G6PC1: variants seen among roughly 807,000 people sequenced by gnomAD.
G6PC1 encodes G-6-Pase.
In G6PC1, 23 loss-of-function variants were observed where a neutral mutation model predicts 30.4. The ratio of observed to expected loss-of-function variants is 0.76; its 90% CI spans 0.55 to 1.07. The LOEUF (loss-of-function observed/expected upper bound fraction) is 1.07. G6PC1 is among the 50% of genes least tolerant of loss of function. The probability of loss-of-function intolerance (pLI) is 0.00; values close to 1 mark genes in which losing one functional copy is unlikely to be tolerated. For missense variants in G6PC1, 391 were observed against 433.9 expected, an observed-to-expected ratio of 0.90 and a Z score of 0.88; for synonymous variants, 163 against 175.6, an observed-to-expected ratio of 0.93 and a Z score of 0.57.
chr17:42,910,812 A>G (rs2056090062), intron 4 of G6PC1, 103 bp from the exon 5 acceptor site: 2 of 1,115,654 alleles, frequency 1.8e-6, no homozygotes, highest in African/African-American at 3.1e-5. Flanking sequence ...ATTTAATTCC[A>G]CAGTCGCAGA....
In G6PC1 at chr17:42,900,890, T is replaced by G. The variant is rs1250172816; in HGVS notation, c.14T>G (p.Met5Arg). 4.3e-6 allele frequency: 7 copies of G among 1,613,778 alleles called. No individual in the cohort carries two copies. The highest frequency in any genetic ancestry group is 2.7e-5 in the African/African-American group (2 of 74,902). The change falls in exon 1 of 5, where the codon ATG becomes AGG. Residue 5 changes from methionine to arginine, a missense_variant. Coordinates refer to ENST00000253801, the MANE Select transcript of G6PC1 (RefSeq NM_000151.4). ...AAGGAAATGAGGATGGAGGAAGGAA[T>G]GAATGTTCTCCATGACTTTGGGATC... Reference protein sequence around the residue: MEEGMNVLHDFGIQS... With the variant: MEEGRNVLHDFGIQS...
chr17:42,909,302 G>A lies in G6PC1; in HGVS notation c.447-1G>A, dbSNP rs1411037881. 4.3e-6 allele frequency: 7 copies of A among 1,610,284 alleles called. No homozygotes were observed. Among genetic ancestry groups the A allele is most frequent in the Non-Finnish European group, 5.9e-6 (7 of 1,176,608 alleles). On this transcript the variant is annotated splice_acceptor_variant, in intron 3 of 4. Transcript: ENST00000253801. LOFTEE classifies it high-confidence loss of function. Reference sequence around the variant, plus strand: ...TGTTATGGTTGCCTCTTCTGTTGCAGGTGCTTGAATGTCATTTTGTGGTTG... The same window carrying A: ...TGTTATGGTTGCCTCTTCTGTTGCAAGTGCTTGAATGTCATTTTGTGGTTG...
chr17:42,907,517 C>A lies in G6PC1; in HGVS notation c.341-6C>A. 6.2e-7 allele frequency: 1 copy of A among 1,606,756 alleles called. No individual in the cohort carries two copies. The highest frequency in any genetic ancestry group is 8.5e-7 in the Non-Finnish European group (1 of 1,173,688). On this transcript the variant is annotated splice_region_variant and splice_polypyrimidine_tract_variant and intron_variant, in intron 2 of 4. Coordinates refer to ENST00000253801, the MANE Select transcript of G6PC1 (RefSeq NM_000151.4). ...CCTTTACTCCATTCTCTTTCCTGCC[C>A]TTTAGGGAGCCCCTCTGGCCATGCC... is the stretch of plus-strand genomic sequence containing the variant.
Position 42,910,945 on chromosome 17 carries a change from T to C in G6PC1, c.593T>C (p.Ile198Thr). The C allele has an allele frequency of 1.2e-6, 2 of 1,614,212 alleles. No individual in the cohort carries two copies. The highest frequency in any genetic ancestry group is 8.5e-7 in the Non-Finnish European group (1 of 1,180,034). Residue 198 changes from isoleucine to threonine, a missense_variant, in exon 5 of 5, where the codon ATC (isoleucine) becomes ACC (threonine). Coordinates refer to ENST00000253801, the MANE Select transcript of G6PC1 (RefSeq NM_000151.4). Reference sequence around the variant, plus strand: ...GCTGTTGCAGAAACTTTCAGCCACATCCACAGCATCTATAATGCCAGCCTC... The same window carrying C: ...GCTGTTGCAGAAACTTTCAGCCACACCCACAGCATCTATAATGCCAGCCTC... ...GIAVAETFSH[I>T]HSIYNASLKK... is the part of the protein sequence containing the mutation.
chr17:42,907,778 A>G lies in G6PC1; in HGVS notation c.446+150A>G, dbSNP rs161626. ...AAGAGTTGTGGCACTTTGGATAGGG[A>G]TAAACCTCAGAGTCAGGGAATGTTT... On this transcript the variant is annotated intron_variant, in intron 3 of 4. Coordinates refer to ENST00000253801, the MANE Select transcript of G6PC1 (RefSeq NM_000151.4). The G allele has an allele frequency of 0.11, 76,469 of 675,510 alleles. 7,332 individuals carry two copies. Among genetic ancestry groups the G allele is most frequent in the African/African-American group, 0.38 (21,572 of 56,448 alleles). 41.8% of individuals were successfully genotyped at this position (675,510 alleles called of 1,614,324 possible). A position where few individuals can be genotyped will look rare whatever the true frequency, so the allele number is the denominator to read the frequency against.
At chr17:42,905,506 C>CA (rs555446125) in intron 2 of G6PC1, among the ~76,000 whole-genome samples, 4,059 of 66,410 alleles carry the variant, frequency 0.061, 102 homozygotes, top group Middle Eastern at 0.09. Context: ...TGTTTATAGG[C>CA]AAAAAAAAAA....
intron 2 of G6PC1, 65 bp from the exon 3 acceptor site, chr17:42,907,458 A>C: frequency 9.1e-7 from 1 of 1,101,836 alleles, no homozygotes; most frequent in African/African-American, 1.5e-5. Context: ...GGCTGGGTAG[A>C]TGATGCACTG....
chr17:42,901,048 G>A lies in G6PC1; in HGVS notation c.172G>A (p.Gly58Ser). 6.2e-7 allele frequency: 1 copy of A among 1,614,146 alleles called. No homozygotes were observed. The highest frequency in any genetic ancestry group is 2.2e-5 in the East Asian group (1 of 44,882). ...CTGGTTCCATCTTCAGGAAGCTGTG[G>A]GCATTAAACTCCTTTGGGTAGCTGT... ...PIWFHLQEAV[G>S]IKLLWVAVIG... The change falls in exon 1 of 5, where the codon GGC becomes AGC. Residue 58 changes from glycine to serine, a missense_variant. Physicochemically the swap from Gly to Ser is moderately conservative, Grantham distance 56. Transcript: ENST00000253801.
Position 42,911,560 on chromosome 17 carries a change from C to A in G6PC1, c.*134C>A. On this transcript the variant is annotated 3_prime_UTR_variant, in exon 5 of 5. Coordinates refer to ENST00000253801, the MANE Select transcript of G6PC1 (RefSeq NM_000151.4). ...ATTCTGCCGTCGTGGAATTAAATCA[C>A]GGATGGCAGATTGGAGGGTCGCCTG... is the stretch of plus-strand genomic sequence containing the variant. The A allele has an allele frequency of 7.3e-7, 1 of 1,369,424 alleles. No homozygotes were observed. Among genetic ancestry groups the A allele is most frequent in the Admixed American group, 1.8e-5 (1 of 54,508 alleles). The allele number at this position is 1,369,424 out of a possible 1,614,324, so 84.8% of individuals were successfully genotyped here. A position where few individuals can be genotyped will look rare whatever the true frequency, so the allele number is the denominator to read the frequency against.
intron 4 of G6PC1, 90 bp from the exon 5 acceptor site, chr17:42,910,824 CG>C (rs1205039755): frequency 8.2e-7 from 1 of 1,223,590 alleles, no homozygotes; most frequent in Non-Finnish European, 1.2e-6. Context: ...AGTCGCAGAA[CG>C]GATGGCATGT....
chr17:42,901,247 T>G, intron 1 of G6PC1, 141 bp downstream of exon 1: 2 of 757,356 alleles, frequency 2.6e-6, no homozygotes, highest in Admixed American at 4.0e-5. Flanking sequence ...TCTCTGACTT[T>G]GGATCATCTA....
At chr17:42,904,703 A>C (rs2056047851) in intron 2 of G6PC1, among the ~76,000 whole-genome samples, 1 of 152,148 alleles carries the variant, frequency 6.6e-6, no homozygotes, top group Non-Finnish European at 1.5e-5. Flanking sequence ...GGAGCTATAC[A>C]CTGTTCTATG....
intron 1 of G6PC1, among the ~76,000 whole-genome samples, chr17:42,902,741 AAGATAT>A (rs2056034241): frequency 6.6e-6 from 1 of 152,146 alleles, no homozygotes; most frequent in Admixed American, 6.5e-5. Flanking sequence ...TCCACAGTGA[AAGATAT>A]ATCTAGTACT....
At position 42,914,273 on chromosome 17, in the gene G6PC1, T is replaced by C. The variant is rs139115520; in HGVS notation, c.*2847T>C. 6.6e-5 allele frequency among the ~76,000 whole-genome samples: 10 copies of C among 152,150 alleles called. No homozygotes were observed. In the East Asian group the frequency reaches 1.2e-3, roughly 18 times the overall value. On this transcript the variant is annotated 3_prime_UTR_variant, in exon 5 of 5. Transcript: ENST00000253801. ...TCTGTCTGAACTGAACCCTACTGCT[T>C]AGGCATAGCCCCATCCTTGATAATC...
intron 3 of G6PC1, 80 bp downstream of exon 3, chr17:42,907,708 C>T (rs1307949526): frequency 6.2e-6 from 6 of 970,072 alleles, no homozygotes; most frequent in Non-Finnish European, 9.9e-6. Context: ...CGTATTCTTC[C>T]TCACATCCCC....
intron 2 of G6PC1, among the ~76,000 whole-genome samples, chr17:42,907,130 G>A (rs1250547867): frequency 6.6e-6 from 1 of 152,162 alleles, no homozygotes; most frequent in African/African-American, 2.4e-5. Context: ...AGCCAGAACA[G>A]AGTGTGCAAG....
At chr17:42,902,280 G>T (rs1166829030) in intron 1 of G6PC1, among the ~76,000 whole-genome samples, 1 of 151,982 alleles carries the variant, frequency 6.6e-6, no homozygotes, top group African/African-American at 2.4e-5. Flanking sequence ...ATGGAGTCTC[G>T]CACTGTTGCC....
chr17:42,911,033 C>G lies in G6PC1; in HGVS notation c.681C>G (p.Leu227=). The G allele has an allele frequency of 1.2e-6, 2 of 1,614,212 alleles. No homozygotes were observed. Among genetic ancestry groups the G allele is most frequent in the Non-Finnish European group, 1.7e-6 (2 of 1,180,036 alleles). ...FSFAIGFYLL[L]KGLGVDLLWT... ...TCGCCATCGGATTTTATCTGCTGCT[C>G]AAGGGACTGGGTGTAGACCTCCTGT... is the stretch of plus-strand genomic sequence containing the variant. The change falls in exon 5 of 5, where the codon CTC becomes CTG. Residue 227 remains leucine, a synonymous_variant. Coordinates refer to ENST00000253801, the MANE Select transcript of G6PC1 (RefSeq NM_000151.4).
rs1555558914 is a variant in G6PC1, at chr17:42,900,923, C to G, written c.47C>G (p.Thr16Arg). ...CTCCATGACTTTGGGATCCAGTCAA[C>G]ACATTACCTCCAGGTGAATTACCAA... ...NVLHDFGIQS[T>R]HYLQVNYQDS... is the part of the protein sequence containing the mutation. The change falls in exon 1 of 5, where the codon ACA becomes AGA. Residue 16 changes from threonine (T) to arginine (R), a missense_variant. Physicochemically the swap from Thr to Arg is moderately conservative, Grantham distance 71. Transcript: ENST00000253801. 1 of 1,614,166 alleles carries G rather than the reference C, an allele frequency of 6.2e-7. No homozygotes were observed. The highest frequency in any genetic ancestry group is 1.7e-5 in the Admixed American group (1 of 60,022).
Sources: gnomAD v4.1 joint callset for allele counts (sites outside exome capture counted in the v4.1 genomes callset) on GRCh38, gnomAD v4.1.1 for gene constraint, MANE v1.5 for transcripts, NCBI Gene and HGNC (gene_info 2026-07-23, HGNC 2026-07-21) for gene names.